The following USP5 variants were observed in gnomAD, a reference collection of about 807,000 sequenced individuals.
USP5 encodes ubiquitin specific peptidase 5, also known as ubiquitin carboxyl-terminal hydrolase 5.
In USP5, 24 loss-of-function variants were observed where a neutral mutation model predicts 102.5. The observed-to-expected ratio is 0.23, with a 90% confidence interval of 0.17 to 0.33. USP5 has a LOEUF of 0.33. USP5 is among the 10% of genes least tolerant of loss of function. USP5 has a pLI of 1.00. For missense variants in USP5, 753 were observed against 1,122.1 expected (o/e 0.67, Z 4.70); for synonymous variants, 460 against 434.8 (o/e 1.06, Z -0.72).
Position 6,864,428 on chromosome 12 carries a change from G to A in USP5, c.2244+233G>A, listed in dbSNP as rs1276130377. Among the ~76,000 whole-genome samples the A allele has an allele frequency of 1.3e-5, 2 of 152,208 alleles. No homozygotes were observed. Among genetic ancestry groups the A allele is most frequent in the East Asian group, 1.9e-4 (1 of 5,196 alleles). On this transcript the variant is annotated intron_variant, in intron 17 of 19. Coordinates refer to ENST00000229268, the MANE Select transcript of USP5 (RefSeq NM_001098536.2). The surrounding 1 kb of genome is among the most constrained non-coding windows in gnomAD (Gnocchi z 4.8). ...TGTTTGGCCGGGCGCGGTGGCTCAC[G>A]CCTGTAATCCCAGCACTTTGGGAGG...
Position 6,861,335 on chromosome 12 carries a change from T to C in USP5, c.1499-108T>C, listed in dbSNP as rs1944270926. ...ATATTGGACATGTGTCAGGGGTGCTTTGGAAGGGTAGAGGAACTGAAATAC... is the reference window on the plus strand; with the variant it reads ...ATATTGGACATGTGTCAGGGGTGCTCTGGAAGGGTAGAGGAACTGAAATAC... On this transcript the variant is annotated intron_variant, in intron 12 of 19. Coordinates refer to ENST00000229268, the MANE Select transcript of USP5 (RefSeq NM_001098536.2). The surrounding 1 kb of genome is among the most constrained non-coding windows in gnomAD (Gnocchi z 4.9). 2.2e-6 allele frequency: 3 copies of C among 1,386,574 alleles called. No homozygotes were observed. In the South Asian group the frequency reaches 4.2e-5, roughly 19 times the overall value. 85.9% of individuals were successfully genotyped at this position (1,386,574 alleles called of 1,614,324 possible). A position where few individuals can be genotyped will look rare whatever the true frequency, so the allele number is the denominator to read the frequency against.
chr12:6,858,723 G>C lies in USP5; in HGVS notation c.1058+106G>C. Reference sequence around the variant, plus strand: ...ACCTCTGTGTTTGATTCTAGTCTTAGAGTAGTTCCTATCGGCTGGGTGTGT... The same window carrying C: ...ACCTCTGTGTTTGATTCTAGTCTTACAGTAGTTCCTATCGGCTGGGTGTGT... On this transcript the variant is annotated intron_variant, in intron 8 of 19. Transcript: ENST00000229268. This position sits in a 1 kb window ranked among gnomAD's most constrained non-coding sequence, Gnocchi z 4.2. 1 of 1,091,646 alleles carries C rather than the reference G, an allele frequency of 9.2e-7. No homozygotes were observed. The allele number at this position is 1,091,646 out of a possible 1,614,324, so 67.6% of individuals were successfully genotyped here.
intron 8 of USP5, 36 bp from the exon 9 acceptor site, chr12:6,859,434 C>G: frequency 6.2e-7 from 1 of 1,608,872 alleles, no homozygotes; most frequent in South Asian, 1.1e-5. Flanking sequence ...GCGCTCAGGC[C>G]AGAGCCCCTC....
chr12:6,858,876 T>G lies in USP5; in HGVS notation c.1058+259T>G. ...TTCTCTTAAAAAAAAAAAAGAATAA[T>G]TCCTGTCACACTCTGGCTGACATGC... On this transcript the variant is annotated intron_variant, in intron 8 of 19. Coordinates refer to ENST00000229268, the MANE Select transcript of USP5 (RefSeq NM_001098536.2). The surrounding 1 kb of genome is among the most constrained non-coding windows in gnomAD (Gnocchi z 4.2). 3 of 333,438 alleles carry G rather than the reference T, an allele frequency of 9.0e-6. No individual in the cohort carries two copies. Among genetic ancestry groups the G allele is most frequent in the East Asian group, 4.9e-5 (1 of 20,564 alleles). 20.7% of individuals were successfully genotyped at this position (333,438 alleles called of 1,614,324 possible).
intron 8 of USP5, 109 bp from the exon 9 acceptor site, chr12:6,859,361 C>A: frequency 9.2e-7 from 1 of 1,092,780 alleles, no homozygotes; most frequent in Admixed American, 1.9e-5. Context: ...ACAGCAACTC[C>A]CCACTCTTGA....
chr12:6,856,848 C>T lies in USP5; in HGVS notation c.726C>T (p.Tyr242=), dbSNP rs782087757. Residue 242 remains tyrosine, a synonymous_variant, in exon 6 of 20, where the codon TAC becomes TAT. Transcript: ENST00000229268. The surrounding 1 kb of genome is among the most constrained non-coding windows in gnomAD (Gnocchi z 5.6). ...HAVEHYRETG[Y]PLAVKLGTIT... is the part of the protein sequence containing the mutation. Reference sequence around the variant, plus strand: ...TGGAGCACTACCGAGAGACAGGCTACCCGTTAGCTGTCAAGCTGGGCACCA... The same window carrying T: ...TGGAGCACTACCGAGAGACAGGCTATCCGTTAGCTGTCAAGCTGGGCACCA... 2 of 1,614,182 alleles carry T rather than the reference C, an allele frequency of 1.2e-6. No individual in the cohort carries two copies. The highest frequency in any genetic ancestry group is 3.3e-5 in the Admixed American group (2 of 60,024).
chr12:6,865,716 C>G (rs1805859138), intron 19 of USP5, among the ~76,000 whole-genome samples: 1 of 152,188 alleles, frequency 6.6e-6, no homozygotes, highest in Non-Finnish European at 1.5e-5. Context: ...CTATCTGGCC[C>G]TTGCCAGAAA....
chr12:6,861,544 G>A lies in USP5; in HGVS notation c.1600G>A (p.Glu534Lys). 1.2e-6 allele frequency: 2 copies of A among 1,601,928 alleles called. No individual in the cohort carries two copies. The highest frequency in any genetic ancestry group is 1.7e-6 in the Non-Finnish European group (2 of 1,170,268). ...CCAGGTGCCCTTCAGCTCTTGCCTG[G>A]AGGCCTACGGGGCCCCTGAGCAGGT... ...RAQVPFSSCL[E>K]AYGAPEQVDD... The change falls in exon 13 of 20, where the codon GAG becomes AAG. Residue 534 changes from glutamate to lysine, a missense_variant. Glu to Lys is a moderately conservative substitution (Grantham distance 56). This residue lies in a region of USP5 where 527 missense variants were observed against 816.5 expected (regional missense o/e 0.65). Coordinates refer to ENST00000229268, the MANE Select transcript of USP5 (RefSeq NM_001098536.2). This position sits in a 1 kb window ranked among gnomAD's most constrained non-coding sequence, Gnocchi z 4.9.
intron 14 of USP5, 60 bp downstream of exon 14, chr12:6,862,618 A>C: frequency 6.8e-7 from 1 of 1,463,326 alleles, no homozygotes; most frequent in Non-Finnish European, 9.6e-7. Context: ...AGGGGCTTTA[A>C]CACATATAAA....
At chr12:6,862,612 G>A (rs1944312208) in intron 14 of USP5, 54 bp downstream of exon 14, 2 of 1,527,640 alleles carry the variant, frequency 1.3e-6, no homozygotes. Context: ...AAAAGAAGGG[G>A]CTTTAACACA....
In USP5 at chr12:6,863,372, C is replaced by G; in HGVS notation, c.1949C>G (p.Pro650Arg). 6.2e-7 allele frequency: 1 copy of G among 1,613,330 alleles called. No individual in the cohort carries two copies. The highest frequency in any genetic ancestry group is 1.1e-5 in the South Asian group (1 of 90,982). Residue 650 changes from proline to arginine, a missense_variant, in exon 15 of 20, where the codon CCG (proline) becomes CGG (arginine). Pro to Arg is a moderately radical substitution (Grantham distance 103). Transcript: ENST00000229268. This position sits in a 1 kb window ranked among gnomAD's most constrained non-coding sequence, Gnocchi z 4.7. ...TTCTGCTCCCCTCACTTCTCCTCTCCGACATGTTAGTGACTCTTCTTCCTG... is the reference window on the plus strand; with the variant it reads ...TTCTGCTCCCCTCACTTCTCCTCTCGGACATGTTAGTGACTCTTCTTCCTG... ...DSFCSPHFSS[P>R]TSPMLDESVI... is the part of the protein sequence containing the mutation.
At chr12:6,852,353 T>G in intron 1 of USP5, 63 bp downstream of exon 1, 1 of 1,511,494 alleles carries the variant, frequency 6.6e-7, no homozygotes, top group Non-Finnish European at 9.0e-7. Flanking sequence ...GTCATTCCGC[T>G]GGGGCCTGCA....
rs1269412552 is a variant in USP5, at chr12:6,861,891, C to T, written c.1673+274C>T. ...TAGCCTCTCTTCATTGCCCCTCAGT[C>T]ATGGCTGAGCACAGGCACTTAGGAT... On this transcript the variant is annotated intron_variant, in intron 13 of 19. Transcript: ENST00000229268. The surrounding 1 kb of genome is among the most constrained non-coding windows in gnomAD (Gnocchi z 4.9). Among the ~76,000 whole-genome samples the T allele has an allele frequency of 3.3e-5, 5 of 152,186 alleles. No individual in the cohort carries two copies. The highest frequency in any genetic ancestry group is 1.2e-4 in the African/African-American group (5 of 41,450).
Position 6,864,026 on chromosome 12 carries a change from A to ACAT in USP5, c.2099-21_2099-19dup. 6.3e-7 allele frequency: 1 copy of ACAT among 1,585,044 alleles called. No individual in the cohort carries two copies. Among genetic ancestry groups the ACAT allele is most frequent in the Non-Finnish European group, 8.6e-7 (1 of 1,160,984 alleles). On this transcript the variant is annotated intron_variant, in intron 16 of 19. Transcript: ENST00000229268. The surrounding 1 kb of genome is among the most constrained non-coding windows in gnomAD (Gnocchi z 4.8). ...GCAGGGCCTCCATCCTCCCCCAAAC[A>ACAT]CATCAACCCCTTCACATCCACAGAT...
rs782388586 is a variant in USP5 at position 6,860,954 on chromosome 12, G to A, written c.1346G>A (p.Arg449Lys). The change falls in exon 12 of 20, where the codon AGG (arginine) becomes AAG (lysine). Residue 449 changes from arginine (R) to lysine (K), a missense_variant and splice_region_variant. Around this residue, in one of 3 missense-constraint regions of USP5, gnomAD observed 527 missense variants for 816.5 expected, o/e 0.65. Transcript: ENST00000229268. The surrounding 1 kb of genome is among the most constrained non-coding windows in gnomAD (Gnocchi z 5.5). Reference sequence around the variant, plus strand: ...CCCTACCCTGCCTCTTTCCCATAGAGGAATTGCCGGAGCTCTGAAAATCCT... The same window carrying A: ...CCCTACCCTGCCTCTTTCCCATAGAAGAATTGCCGGAGCTCTGAAAATCCT... ...FFLHLINMVE[R>K]NCRSSENPNE... 1 of 1,614,068 alleles carries A rather than the reference G, an allele frequency of 6.2e-7. No individual in the cohort carries two copies. Among genetic ancestry groups the A allele is most frequent in the South Asian group, 1.1e-5 (1 of 91,060 alleles).
chr12:6,863,924 C>G lies in USP5; in HGVS notation c.2049C>G (p.Ser683Arg). ...CRKAVYYTGN[S>R]GAEAAMNWVM... ...AAGCTGTCTACTACACGGGCAACAG[C>G]GGGGCTGAGGCCGCCATGAACTGGG... Residue 683 changes from serine to arginine, a missense_variant, in exon 16 of 20, where the codon AGC (serine) becomes AGG (arginine). Around this residue, in one of 3 missense-constraint regions of USP5, gnomAD observed 193 missense variants for 230.2 expected, o/e 0.84. Transcript: ENST00000229268. The surrounding 1 kb of genome is among the most constrained non-coding windows in gnomAD (Gnocchi z 4.7). 6.3e-7 allele frequency: 1 copy of G among 1,592,812 alleles called. No homozygotes were observed. The highest frequency in any genetic ancestry group is 8.6e-7 in the Non-Finnish European group (1 of 1,167,468).
chr12:6,855,445 C>G lies in USP5; in HGVS notation c.156C>G (p.Gly52=), dbSNP rs1555127905. The change falls in exon 2 of 20, where the codon GGC becomes GGG. Residue 52 remains glycine (G), a synonymous_variant. Transcript: ENST00000229268. The surrounding 1 kb of genome is among the most constrained non-coding windows in gnomAD (Gnocchi z 4.6). ...GLYICMNTFL[G]FGKQYVERHF... is the part of the protein sequence containing the mutation. ...ACATCTGTATGAACACGTTTCTGGG[C>G]TTTGGGAAACAGTATGTGGAGAGAC... 6.2e-7 allele frequency: 1 copy of G among 1,614,150 alleles called. No homozygotes were observed. The highest frequency in any genetic ancestry group is 1.7e-5 in the Admixed American group (1 of 60,024).
In USP5 at chr12:6,852,306, A is replaced by C; in HGVS notation, c.111+16A>C. On this transcript the variant is annotated intron_variant, in intron 1 of 19. Coordinates refer to ENST00000229268, the MANE Select transcript of USP5 (RefSeq NM_001098536.2). ...CGACACGCCGGTAAGCCCATTCCCCACGCCCGCAACGAGCACGACTTCCTT... is the reference window on the plus strand; with the variant it reads ...CGACACGCCGGTAAGCCCATTCCCCCCGCCCGCAACGAGCACGACTTCCTT... The C allele has an allele frequency of 2.5e-6, 4 of 1,594,898 alleles. No homozygotes were observed. Among genetic ancestry groups the C allele is most frequent in the Non-Finnish European group, 1.7e-6 (2 of 1,170,428 alleles).
In USP5 at chr12:6,863,391, C is replaced by A. The variant is rs1944332203; in HGVS notation, c.1954+14C>A. ...CCTCTCCGACATGTTAGTGACTCTT[C>A]TTCCTGCCTGTCTCTCTCCCGTGCT... On this transcript the variant is annotated intron_variant, in intron 15 of 19. Coordinates refer to ENST00000229268, the MANE Select transcript of USP5 (RefSeq NM_001098536.2). The surrounding 1 kb of genome is among the most constrained non-coding windows in gnomAD (Gnocchi z 4.7). 5 of 1,610,258 alleles carry A rather than the reference C, an allele frequency of 3.1e-6. No homozygotes were observed. Among genetic ancestry groups the A allele is most frequent in the Non-Finnish European group, 4.2e-6 (5 of 1,177,494 alleles).
Sources: gnomAD v4.1 joint callset for allele counts (sites outside exome capture counted in the v4.1 genomes callset) on GRCh38, gnomAD v4.1.1 for gene constraint, gnomAD v4.1.1 regional missense constraint, Gnocchi (gnomAD v3.1) non-coding constraint, MANE v1.5 for transcripts, NCBI Gene and HGNC (gene_info 2026-07-23, HGNC 2026-07-21) for gene names.